Variants in ADGRL1 observed in about 807,000 individuals in gnomAD.
ADGRL1 encodes the protein CIRL-1.
A neutral mutation model predicts 148.9 loss-of-function variants in ADGRL1; 31 were observed. That is an observed-to-expected ratio of 0.21 (90% CI 0.16 to 0.28). The LOEUF is 0.28. Ranked by LOEUF, ADGRL1 falls within the 10% of genes least tolerant of loss-of-function variation. The pLI, the probability that ADGRL1 is intolerant of heterozygous loss-of-function variation, is 1.00. For synonymous variants in ADGRL1, 937 were observed against 900.3 expected (o/e 1.04, Z -0.73); for missense variants, 1,521 against 2,058.8 (o/e 0.74, Z 5.05).
At chr19:14,171,249 G>A (rs1331032784) in intron 3 of ADGRL1, 1 of 156,410 alleles carries the variant, frequency 6.4e-6, no homozygotes, top group Non-Finnish European at 1.4e-5. Context: ...CCAATTAAAT[G>A]TCTTTTCTTT....
intron 2 of ADGRL1, 53 bp from the exon 3 acceptor site, chr19:14,177,797 A>G: frequency 6.6e-7 from 1 of 1,526,096 alleles, no homozygotes; most frequent in Non-Finnish European, 9.0e-7. Flanking sequence ...CAGGAAGGGA[A>G]GACCCTACCC....
chr19:14,203,494 G>A (rs1003197890), intron 1 of ADGRL1, among the ~76,000 whole-genome samples: 30 of 152,224 alleles, frequency 2.0e-4, no homozygotes, highest in Admixed American at 5.9e-4. Context: ...CAGACGCCCC[G>A]AGATGCAAGC....
chr19:14,153,582 AT>A (rs34163270), intron 18 of ADGRL1, among the ~76,000 whole-genome samples: 42,486 of 128,194 alleles, frequency 0.33, 5,712 homozygotes, highest in African/African-American at 0.41. Flanking sequence ...CACCTGGCTA[AT>A]TTTTTTTTTT....
intron 1 of ADGRL1, among the ~76,000 whole-genome samples, chr19:14,204,726 GAGAGAGAGAGAGAGACAGAC>G (rs1439346739): frequency 2.7e-5 from 4 of 150,806 alleles, no homozygotes; most frequent in South Asian, 2.1e-4. Context: ...GAGAGAGAGA[GAGAGAGAGAGAGAGACAGAC>G]AGAGAGAGAG....
intron 3 of ADGRL1, among the ~76,000 whole-genome samples, chr19:14,173,191 G>A (rs1004842685): frequency 6.6e-6 from 1 of 151,968 alleles, no homozygotes; most frequent in Admixed American, 6.6e-5. Flanking sequence ...AAACTCCTGG[G>A]TTCAAACAAT....
At chr19:14,198,752 C>T (rs1018135058) in intron 1 of ADGRL1, among the ~76,000 whole-genome samples, 3 of 152,202 alleles carry the variant, frequency 2.0e-5, no homozygotes, top group Non-Finnish European at 4.4e-5. Flanking sequence ...CAGCCCCTCT[C>T]TCTCACAGAT....
rs780194213 is a variant in ADGRL1, at chr19:14,157,441, T to C, written c.2555A>G (p.Glu852Gly). 4.3e-6 allele frequency: 7 copies of C among 1,614,038 alleles called. No homozygotes were observed. Among genetic ancestry groups the C allele is most frequent in the Non-Finnish European group, 5.9e-6 (7 of 1,180,018 alleles). ...CCAGGTGATGACCGACAGCAGCAGC[T>C]CGTTGATGCGGCCCTGGTACTGGGG... ...HREIYQGRINELLLSVITWVG... is the reference protein window; with the variant it reads ...HREIYQGRINGLLLSVITWVG... The change falls in exon 14 of 23, where the codon GAG becomes GGG. Residue 852 changes from glutamate (E) to glycine (G), a missense_variant. Physicochemically the swap from Glu to Gly is moderately conservative, Grantham distance 98 (BLOSUM62 -2). This residue lies in a region of ADGRL1 where 265 missense variants were observed against 431.9 expected (regional missense o/e 0.61). Coordinates refer to ENST00000361434, the MANE Select transcript of ADGRL1 (RefSeq NM_014921.5). This position sits in a 1 kb window ranked among gnomAD's most constrained non-coding sequence, Gnocchi z 7.5.
At chr19:14,163,499 G>GT in intron 4 of ADGRL1, 93 bp from the exon 5 acceptor site, 10 of 740,242 alleles carry the variant, frequency 1.4e-5, no homozygotes, top group Non-Finnish European at 1.8e-5. Flanking sequence ...AGAGAGAGAG[G>GT]GGGGAGAGAG....
intron 1 of ADGRL1, among the ~76,000 whole-genome samples, chr19:14,192,108 C>T (rs183190547): frequency 1.5e-4 from 23 of 152,336 alleles, no homozygotes; most frequent in Admixed American, 1.4e-3. Context: ...TACACTCACG[C>T]TGGGAGTCAG....
rs200651279 is a variant in ADGRL1 at position 14,152,852 on chromosome 19, C to G, written c.3355G>C (p.Gly1119Arg). 1 of 1,614,146 alleles carries G rather than the reference C, an allele frequency of 6.2e-7. No individual in the cohort carries two copies. Among genetic ancestry groups the G allele is most frequent in the Non-Finnish European group, 8.5e-7 (1 of 1,180,002 alleles). The stretch of plus-strand genomic sequence containing the variant: ...GTCTTGAGGGATCCGTGAGTGCCCC[C>G]GGGTGGGGAGCGGATGCAGCAGTAG... ...HSYCCIRSPP[G>R]GTHGSLKTSA... is the part of the protein sequence containing the mutation. The change falls in exon 19 of 23, where the codon GGG becomes CGG. Residue 1119 changes from glycine to arginine, a missense_variant. Physicochemically the swap from Gly to Arg is moderately radical, Grantham distance 125. Coordinates refer to ENST00000361434, the MANE Select transcript of ADGRL1 (RefSeq NM_014921.5). This position sits in a 1 kb window ranked among gnomAD's most constrained non-coding sequence, Gnocchi z 6.1.
chr19:14,167,528 G>A (rs1306971352), intron 4 of ADGRL1, among the ~76,000 whole-genome samples: 5 of 152,140 alleles, frequency 3.3e-5, no homozygotes, highest in African/African-American at 1.2e-4. Flanking sequence ...GGGGCCCCAG[G>A]GGAAGGATTT....
At position 14,159,874 on chromosome 19, in the gene ADGRL1, C is replaced by A; in HGVS notation, c.1801-101G>T. The A allele has an allele frequency of 8.6e-7, 1 of 1,163,938 alleles. No homozygotes were observed. Among genetic ancestry groups the A allele is most frequent in the Admixed American group, 1.7e-5 (1 of 59,010 alleles). The allele number at this position is 1,163,938 out of a possible 1,614,324, so 72.1% of individuals were successfully genotyped here. ...ATAGCTCTCTCGTCTGCGGTTACCA[C>A]TGACCCAGGGCTGGGCTATCAGCAA... On this transcript the variant is annotated intron_variant, in intron 8 of 22. Coordinates refer to ENST00000361434, the MANE Select transcript of ADGRL1 (RefSeq NM_014921.5). The surrounding 1 kb of genome is among the most constrained non-coding windows in gnomAD (Gnocchi z 6.0).
chr19:14,203,690 TC>T (rs914721623), intron 1 of ADGRL1, among the ~76,000 whole-genome samples: 1 of 150,246 alleles, frequency 6.7e-6, no homozygotes, highest in Non-Finnish European at 1.5e-5. Flanking sequence ...GGGCTTCGAG[TC>T]CCCCCCTTCC....
chr19:14,174,707 T>C (rs1970699969), intron 3 of ADGRL1, among the ~76,000 whole-genome samples: 1 of 151,924 alleles, frequency 6.6e-6, no homozygotes, highest in Non-Finnish European at 1.5e-5. Context: ...GGCTAATTTT[T>C]GTATTTTTGG....
Position 14,155,401 on chromosome 19 carries a change from C to T in ADGRL1, c.3252G>A (p.Gln1084=). 6.2e-7 allele frequency: 1 copy of T among 1,614,136 alleles called. No homozygotes were observed. The highest frequency in any genetic ancestry group is 1.1e-5 in the South Asian group (1 of 91,078). ...AGTGAAAGACGAAGATGAAGACCCC[C>T]TGGAAGGCGTTGAAGGTGGTGAAGA... ...AYLFTTFNAF[Q]GVFIFVFHCA... Residue 1084 remains glutamine (Q), a synonymous_variant, in exon 18 of 23, where the codon CAG becomes CAA. Transcript: ENST00000361434. This position sits in a 1 kb window ranked among gnomAD's most constrained non-coding sequence, Gnocchi z 5.0.
At chr19:14,188,150 T>C (rs1340727401) in intron 1 of ADGRL1, among the ~76,000 whole-genome samples, 3 of 152,146 alleles carry the variant, frequency 2.0e-5, no homozygotes, top group Non-Finnish European at 4.4e-5. Context: ...TGCCAAATTG[T>C]GTGGGCAGCG....
At position 14,151,053 on chromosome 19, in the gene ADGRL1, T is replaced by C; in HGVS notation, c.4230A>G (p.Ala1410=). ...AGTAGATTTCGGGGGGGCCGGGGGG[T>C]GCGGGAGGGGGTGGGGGCAGGGCCT... ...PSEALPPPPP[A]PPGPPEIYYT... The change falls in exon 23 of 23, where the codon GCA becomes GCG. Residue 1410 remains alanine (A), a synonymous_variant. Transcript: ENST00000361434. The C allele has an allele frequency of 2.8e-6, 1 of 359,730 alleles. No homozygotes were observed. The highest frequency in any genetic ancestry group is 3.5e-6 in the Non-Finnish European group (1 of 284,296). The allele number at this position is 359,730 out of a possible 1,614,324, so 22.3% of individuals were successfully genotyped here. A position where few individuals can be genotyped will look rare whatever the true frequency, so the allele number is the denominator to read the frequency against.
chr19:14,161,669 C>A lies in ADGRL1; in HGVS notation c.1196-43G>T, dbSNP rs1969396692. On this transcript the variant is annotated intron_variant, in intron 5 of 22. Coordinates refer to ENST00000361434, the MANE Select transcript of ADGRL1 (RefSeq NM_014921.5). This position sits in a 1 kb window ranked among gnomAD's most constrained non-coding sequence, Gnocchi z 4.4. ...GACAGGGTCATCCCCATGCTCAGGG[C>A]CATGCCACAGTGTGCTTGGGCAGGG... is the stretch of plus-strand genomic sequence containing the variant. 1 of 1,304,472 alleles carries A rather than the reference C, an allele frequency of 7.7e-7. No individual in the cohort carries two copies. Among genetic ancestry groups the A allele is most frequent in the Non-Finnish European group, 9.9e-7 (1 of 1,015,100 alleles). 80.8% of individuals were successfully genotyped at this position (1,304,472 alleles called of 1,614,324 possible).
In ADGRL1 at chr19:14,159,504, C is replaced by T. The variant is rs147040498; in HGVS notation, c.1920G>A (p.Val640=). The T allele has an allele frequency of 5.6e-6, 9 of 1,613,044 alleles. No homozygotes were observed. Among genetic ancestry groups the T allele is most frequent in the African/African-American group, 4.0e-5 (3 of 75,050 alleles). ...CGTCGAGGAGCATGGTGGCCGTGTG[C>T]ACCTGCTCCGTGGCATTCATGTCCT... The part of the protein sequence containing the change: ...SWKDMNATEQ[V]HTATMLLDVL... Residue 640 remains valine (V), a synonymous_variant, in exon 10 of 23, where the codon GTG becomes GTA. Transcript: ENST00000361434. This position sits in a 1 kb window ranked among gnomAD's most constrained non-coding sequence, Gnocchi z 6.0.
Sources: allele counts gnomAD v4.1 joint callset (sites outside exome capture counted in the v4.1 genomes callset), GRCh38; gene constraint gnomAD v4.1.1; regional missense constraint gnomAD v4.1.1; non-coding constraint Gnocchi (gnomAD v3.1); transcripts MANE v1.5; gene names NCBI Gene and HGNC (gene_info 2026-07-23, HGNC 2026-07-21).